The following PDE1C variants were observed in gnomAD, a reference collection of about 807,000 sequenced individuals.
PDE1C encodes the protein phosphodiesterase 1C, also known as dual specificity calcium/calmodulin-dependent 3',5'-cyclic nucleotide phosphodiesterase 1C.
PDE1C carries 62 observed loss-of-function variants against 93.1 expected under a neutral mutation model. The observed-to-expected ratio is 0.67, with a 90% CI of 0.54 to 0.82. The LOEUF (loss-of-function observed/expected upper bound fraction) is 0.82. Ranked by LOEUF, PDE1C falls within the 40% of genes least tolerant of loss-of-function variation. The pLI, the probability that PDE1C is intolerant of heterozygous loss-of-function variation, is 0.00. For synonymous variants in PDE1C, 325 were observed against 310.1 expected (o/e 1.05, Z -0.50); for missense variants, 742 against 884.6 (o/e 0.84, Z 2.04).
the PDE1C span, among the ~76,000 whole-genome samples, chr7:31,650,047 A>C: frequency 6.6e-6 from 1 of 152,188 alleles, no homozygotes; most frequent in African/African-American, 2.4e-5. Context: ...TGTGTTTGTG[A>C]GCCAGCAGTA....
chr7:31,960,000 G>T (rs1385670143), intron 2 of PDE1C, among the ~76,000 whole-genome samples: 1 of 150,954 alleles, frequency 6.6e-6, no homozygotes, highest in African/African-American at 2.4e-5. Context: ...TATATAGCTG[G>T]GATTACAAGC....
the PDE1C span, among the ~76,000 whole-genome samples, chr7:31,675,814 A>T: frequency 6.6e-6 from 1 of 152,146 alleles, no homozygotes; most frequent in East Asian, 1.9e-4. Context: ...GACTATCACT[A>T]AGTTAGCCAC....
intron 11 of PDE1C, among the ~76,000 whole-genome samples, chr7:31,835,379 C>G (rs999076392): frequency 2.0e-5 from 3 of 152,200 alleles, no homozygotes; most frequent in African/African-American, 7.2e-5. Flanking sequence ...TGCGGAGTCA[C>G]CTGTATAGTT....
upstream of PDE1C, among the ~76,000 whole-genome samples, chr7:32,074,696 G>A (rs1331973336): frequency 1.3e-5 from 2 of 152,148 alleles, no homozygotes; most frequent in African/African-American, 2.4e-5. Flanking sequence ...TCATAGTGAA[G>A]GTGACATTTG....
chr7:31,946,320 C>A (rs981931149), intron 2 of PDE1C, among the ~76,000 whole-genome samples: 1 of 152,044 alleles, frequency 6.6e-6, no homozygotes, highest in Admixed American at 6.6e-5. Context: ...GTCTTTGGAA[C>A]AACAAGCTCT....
At chr7:32,380,439 G>A (rs986906448) in intron 1 of PDE1C, among the ~76,000 whole-genome samples, 2 of 144,648 alleles carry the variant, frequency 1.4e-5, no homozygotes, top group Non-Finnish European at 3.0e-5. Context: ...GTAGAGACAG[G>A]GTTCCACATC....
chr7:31,684,694 T>G, the PDE1C span, among the ~76,000 whole-genome samples: 1 of 152,160 alleles, frequency 6.6e-6, no homozygotes, highest in Admixed American at 6.5e-5. Context: ...ATGCACAGAA[T>G]GCAAATTAAA....
intron 2 of PDE1C, among the ~76,000 whole-genome samples, chr7:31,967,445 A>C (rs1379513933): frequency 2.3e-5 from 3 of 131,566 alleles, no homozygotes; most frequent in Non-Finnish European, 1.6e-5. Context: ...CAATAACAGG[A>C]GCTGAAATTG....
intron 1 of PDE1C, among the ~76,000 whole-genome samples, chr7:32,320,016 A>G (rs1478056190): frequency 2.0e-5 from 3 of 152,200 alleles, no homozygotes; most frequent in Non-Finnish European, 4.4e-5. Context: ...TTCCCTGCCT[A>G]CGACACAGCC....
At chr7:31,694,887 A>G in the PDE1C span, among the ~76,000 whole-genome samples, 2 of 152,220 alleles carry the variant, frequency 1.3e-5, no homozygotes, top group Non-Finnish European at 2.9e-5. Flanking sequence ...GTCAGAAGAC[A>G]GTAGGATCTT....
the PDE1C span, among the ~76,000 whole-genome samples, chr7:31,683,103 T>C: frequency 1.3e-5 from 2 of 152,130 alleles, no homozygotes; most frequent in Non-Finnish European, 2.9e-5. Flanking sequence ...AATGATAAAA[T>C]TGTATAGAAC....
the PDE1C span, among the ~76,000 whole-genome samples, chr7:31,656,987 C>T: frequency 6.7e-6 from 1 of 148,932 alleles, no homozygotes; most frequent in Non-Finnish European, 1.5e-5. Flanking sequence ...CCTTTAGGCT[C>T]AGACTGAATT....
chr7:32,338,379 A>G lies in PDE1C; in HGVS notation c.310+89443T>C, dbSNP rs184781418. 1.2e-3 allele frequency among the ~76,000 whole-genome samples: 182 copies of G among 152,320 alleles called. 1 individual carries two copies. Among genetic ancestry groups the G allele is most frequent in the Admixed American group, 0.01 (154 of 15,296 alleles). On this transcript the variant is annotated intron_variant, in intron 1 of 1. Transcript: ENST00000672256. Reference sequence around the variant, plus strand: ...TCAACAAGCACATGAAAAGATACTAACACAAATCATTAGGAATATGCAAAT... The same window carrying G: ...TCAACAAGCACATGAAAAGATACTAGCACAAATCATTAGGAATATGCAAAT...
At chr7:32,331,770 C>T (rs1028013574) in intron 1 of PDE1C, among the ~76,000 whole-genome samples, 1 of 152,102 alleles carries the variant, frequency 6.6e-6, no homozygotes, top group African/African-American at 2.4e-5. Context: ...GAAATAACTC[C>T]CAAGTTTGGG....
At chr7:32,189,221 T>C (rs1035272935) in intron 2 of PDE1C, among the ~76,000 whole-genome samples, 3 of 152,168 alleles carry the variant, frequency 2.0e-5, no homozygotes, top group African/African-American at 7.2e-5. Context: ...TACAAAAGAT[T>C]AAAGGGAGAC....
At chr7:32,414,716 T>TA (rs1462373074) in intron 1 of PDE1C, among the ~76,000 whole-genome samples, 1 of 151,932 alleles carries the variant, frequency 6.6e-6, no homozygotes, top group African/African-American at 2.4e-5. Flanking sequence ...TCCCTTGTAA[T>TA]ATGTGACAGT....
At chr7:31,646,257 G>A in the PDE1C span, among the ~76,000 whole-genome samples, 4 of 152,160 alleles carry the variant, frequency 2.6e-5, no homozygotes, top group Non-Finnish European at 4.4e-5. Context: ...GAGCATGACT[G>A]GTCAGTAGCA....
At chr7:31,824,818 C>T in intron 13 of PDE1C, 49 bp downstream of exon 13, 2 of 1,603,072 alleles carry the variant, frequency 1.2e-6, no homozygotes, top group African/African-American at 1.3e-5. Flanking sequence ...GAATTCTATC[C>T]TCAAGGACAG....
At chr7:32,320,356 G>A (rs1195824782) in intron 1 of PDE1C, among the ~76,000 whole-genome samples, 1 of 152,102 alleles carries the variant, frequency 6.6e-6, no homozygotes. Flanking sequence ...ACTGGGGCCT[G>A]TGGGAGGAGT....
Sources: allele counts gnomAD v4.1 joint callset (sites outside exome capture counted in the v4.1 genomes callset), GRCh38; gene constraint gnomAD v4.1.1; transcripts MANE v1.5; gene names NCBI Gene and HGNC (gene_info 2026-07-23, HGNC 2026-07-21).